FBXO31: variants seen among roughly 807,000 people sequenced by gnomAD.
FBXO31 encodes the protein F-box only protein 31.
A neutral mutation model predicts 54.4 loss-of-function variants in FBXO31; 24 were observed. That is an observed-to-expected ratio of 0.44 (90% CI 0.32 to 0.62). FBXO31 has a LOEUF of 0.62. Ranked by LOEUF, FBXO31 falls within the 20% of genes least tolerant of loss-of-function variation. The pLI, the probability that FBXO31 is intolerant of heterozygous loss-of-function variation, is 0.05. For synonymous variants in FBXO31, 388 were observed against 335.6 expected, an observed-to-expected ratio of 1.16 and a Z score of -1.71; for missense variants, 665 against 787.1, an observed-to-expected ratio of 0.84 and a Z score of 1.86.
At chr16:87,363,474 G>T (rs889601) in intron 1 of FBXO31, among the ~76,000 whole-genome samples, 27 of 152,362 alleles carry the variant, frequency 1.8e-4, no homozygotes, top group Non-Finnish European at 2.5e-4. Context: ...GGGCATCTGA[G>T]GCTTGCCTGC....
chr16:87,356,429 C>T (rs1031114992), intron 2 of FBXO31, among the ~76,000 whole-genome samples: 9 of 152,080 alleles, frequency 5.9e-5, no homozygotes, highest in African/African-American at 1.7e-4. Context: ...TTTTCCACCT[C>T]GGCCCCTTCC....
intron 1 of FBXO31, among the ~76,000 whole-genome samples, chr16:87,381,716 A>C (rs1597381450): frequency 1.3e-5 from 2 of 152,200 alleles, no homozygotes; most frequent in East Asian, 3.8e-4. Flanking sequence ...ACAAATCCAC[A>C]ATCCCACTTG....
At chr16:87,383,958 G>A, upstream of FBXO31, 1 of 260,664 alleles carries the variant, frequency 3.8e-6, no homozygotes, top group Non-Finnish European at 7.1e-6. The surrounding 1 kb of genome is among the most constrained non-coding windows in gnomAD (Gnocchi z 4.9). Context: ...CCTCCAGCGT[G>A]AGGGCGCCGC....
At chr16:87,369,024 AGTGATCT>A (rs1309052097) in intron 1 of FBXO31, among the ~76,000 whole-genome samples, 1 of 152,088 alleles carries the variant, frequency 6.6e-6, no homozygotes, top group Non-Finnish European at 1.5e-5. Context: ...CCTGACCTCA[AGTGATCT>A]GCCTGCCTCG....
At chr16:87,344,244 A>G (rs1263910810) in intron 3 of FBXO31, among the ~76,000 whole-genome samples, 1 of 152,204 alleles carries the variant, frequency 6.6e-6, no homozygotes, top group East Asian at 1.9e-4. Flanking sequence ...GCCCGGAGGG[A>G]CGGACAGCTG....
intron 1 of FBXO31, among the ~76,000 whole-genome samples, chr16:87,370,738 C>T (rs983480796): frequency 5.3e-5 from 8 of 152,134 alleles, no homozygotes; most frequent in South Asian, 2.1e-4. Flanking sequence ...GCAGAGGGGG[C>T]GGCGAGTGCT....
intron 1 of FBXO31, among the ~76,000 whole-genome samples, chr16:87,382,317 T>TA (rs1907112773): frequency 6.6e-6 from 1 of 152,198 alleles, no homozygotes; most frequent in South Asian, 2.1e-4. Flanking sequence ...TTTAAAATGT[T>TA]AAGAGTGGTT....
chr16:87,355,035 G>T (rs1441549179), intron 2 of FBXO31, among the ~76,000 whole-genome samples: 1 of 151,892 alleles, frequency 6.6e-6, no homozygotes, highest in Non-Finnish European at 1.5e-5. Context: ...GTATGGGCTT[G>T]TTCCCACCCA....
chr16:87,387,795 C>T (rs552497310), upstream of FBXO31, among the ~76,000 whole-genome samples: 1 of 152,214 alleles, frequency 6.6e-6, no homozygotes, highest in South Asian at 2.1e-4. Flanking sequence ...TGCATTCCAG[C>T]CTGGGCGACA....
intron 1 of FBXO31, among the ~76,000 whole-genome samples, chr16:87,363,677 G>A (rs896405881): frequency 5.3e-5 from 8 of 152,194 alleles, no homozygotes; most frequent in African/African-American, 1.4e-4. Flanking sequence ...ATGGTTAAGT[G>A]CTACGGGGAA....
chr16:87,379,835 G>A (rs1429107689), intron 1 of FBXO31, among the ~76,000 whole-genome samples: 11 of 151,630 alleles, frequency 7.3e-5, no homozygotes, highest in East Asian at 3.9e-4. Context: ...TGATCTGCCC[G>A]CCTTGGCCTC....
upstream of FBXO31, among the ~76,000 whole-genome samples, chr16:87,387,868 G>A (rs1163005006): frequency 6.6e-6 from 1 of 152,110 alleles, no homozygotes; most frequent in Non-Finnish European, 1.5e-5. Context: ...CTCAACATCC[G>A]GATGTGAAAA....
upstream of FBXO31, chr16:87,383,839 C>T (rs945480198): frequency 8.9e-5 from 81 of 914,266 alleles, no homozygotes; most frequent in Admixed American, 1.1e-3. The surrounding 1 kb of genome is among the most constrained non-coding windows in gnomAD (Gnocchi z 4.9). Flanking sequence ...GCAGAGCTCG[C>T]CACGCCCCCT....
Position 87,346,992 on chromosome 16 carries a change from C to T in FBXO31, c.489+182G>A, listed in dbSNP as rs1905417709. Among the ~76,000 whole-genome samples, 1 of 152,216 alleles carries T rather than the reference C, an allele frequency of 6.6e-6. No individual in the cohort carries two copies. The highest frequency in any genetic ancestry group is 2.4e-5 in the African/African-American group (1 of 41,460). Reference sequence around the variant, plus strand: ...GGCCGAAGTGTTGCTCTAAGCAAACCTTTGCTCATTTGGAAAATAAAATTG... The same window carrying T: ...GGCCGAAGTGTTGCTCTAAGCAAACTTTTGCTCATTTGGAAAATAAAATTG... On this transcript the variant is annotated intron_variant, in intron 3 of 8. Transcript: ENST00000311635. This position sits in a 1 kb window ranked among gnomAD's most constrained non-coding sequence, Gnocchi z 4.2.
intron 2 of FBXO31, among the ~76,000 whole-genome samples, chr16:87,348,162 C>T (rs546496777): frequency 3.0e-4 from 46 of 152,278 alleles, no homozygotes; most frequent in Non-Finnish European, 5.1e-4. Context: ...CCTCTCTCCA[C>T]GACTCCCTGG....
intron 8 of FBXO31, among the ~76,000 whole-genome samples, chr16:87,333,075 A>C (rs1432699113): frequency 6.6e-6 from 1 of 152,244 alleles, no homozygotes; most frequent in Non-Finnish European, 1.5e-5. Flanking sequence ...TTTGAATTTA[A>C]ACAGCTCTAA....
upstream of FBXO31, among the ~76,000 whole-genome samples, chr16:87,388,287 C>A (rs1302212119): frequency 6.6e-6 from 1 of 152,224 alleles, no homozygotes. Context: ...TCCCTGGATT[C>A]TCCAGGGAAG....
chr16:87,372,641 G>A (rs1018203880), intron 1 of FBXO31, among the ~76,000 whole-genome samples: 3 of 151,972 alleles, frequency 2.0e-5, no homozygotes, highest in South Asian at 4.2e-4. Flanking sequence ...GGTCACTGCA[G>A]ACTCAAACTC....
rs12934979 is a variant in FBXO31 at position 87,345,444 on chromosome 16, C to T, written c.490-1679G>A. Among the ~76,000 whole-genome samples the T allele has an allele frequency of 0.017, 2,534 of 152,318 alleles. 36 individuals are homozygous for T. Among genetic ancestry groups the T allele is most frequent in the African/African-American group, 0.033 (1,383 of 41,566 alleles). ...GAGCCCGCAGAGCACCACCTCCTCA[C>T]CCCACAGGGACACCTGCAAATACCA... is the stretch of plus-strand genomic sequence containing the variant. On this transcript the variant is annotated intron_variant, in intron 3 of 8. Transcript: ENST00000311635. This position sits in a 1 kb window ranked among gnomAD's most constrained non-coding sequence, Gnocchi z 4.9.
Sources: gnomAD v4.1 joint callset for allele counts (sites outside exome capture counted in the v4.1 genomes callset) on GRCh38, gnomAD v4.1.1 for gene constraint, Gnocchi (gnomAD v3.1) non-coding constraint, MANE v1.5 for transcripts, NCBI Gene and HGNC (gene_info 2026-07-23, HGNC 2026-07-21) for gene names.